The following PTBP1 variants were observed in gnomAD, a reference collection of about 807,000 sequenced individuals.
PTBP1 encodes polypyrimidine tract-binding protein 1.
In PTBP1, 8 loss-of-function variants were observed where a neutral mutation model predicts 59.8. The observed-to-expected ratio is 0.13, with a 90% CI of 0.08 to 0.24. PTBP1 has a LOEUF of 0.24. Among genes scored for constraint, PTBP1 ranks in the 10% least tolerant of loss-of-function variants. The pLI is 1.00. For synonymous variants in PTBP1, 490 were observed against 320.7 expected (o/e 1.53, Z -5.64); for missense variants, 686 against 767.0 (o/e 0.89, Z 1.25).
chr19:799,192 C>T (rs2034218655), intron 1 of PTBP1, among the ~76,000 whole-genome samples: 1 of 152,184 alleles, frequency 6.6e-6, no homozygotes, highest in Admixed American at 6.5e-5. Flanking sequence ...GGGAGGGGCG[C>T]CAAAGGACAA....
At chr19:799,567 T>G in intron 2 of PTBP1, 124 bp downstream of exon 2, 1 of 963,184 alleles carries the variant, frequency 1.0e-6, no homozygotes, top group Non-Finnish European at 1.7e-6. Flanking sequence ...GGCACTACCC[T>G]TGGTCTGGAA....
Position 808,457 on chromosome 19 carries a change from G to A in PTBP1, c.1246+5G>A. 6.3e-7 allele frequency: 1 copy of A among 1,596,248 alleles called. No homozygotes were observed. Among genetic ancestry groups the A allele is most frequent in the Non-Finnish European group, 8.5e-7 (1 of 1,172,886 alleles). ...ACGGCAACCAGGCCCAGCTGGGTAA[G>A]AGGCCGGGGCGGCCCCGGGGTGGAG... On this transcript the variant is annotated splice_donor_5th_base_variant and intron_variant, in intron 12 of 14. Transcript: ENST00000356948. The surrounding 1 kb of genome is among the most constrained non-coding windows in gnomAD (Gnocchi z 4.7).
At position 810,524 on chromosome 19, in the gene PTBP1, C is replaced by G. The variant is rs201760743; in HGVS notation, c.1464-19C>G. 1.2e-6 allele frequency: 2 copies of G among 1,611,362 alleles called. No homozygotes were observed. The highest frequency in any genetic ancestry group is 2.2e-5 in the South Asian group (2 of 90,816). Reference sequence around the variant, plus strand: ...CCACCCCCACGCGGCCCCAGGCTCACGCCTTTCTCCTCCCACAGGCCCTCA... The same window carrying G: ...CCACCCCCACGCGGCCCCAGGCTCAGGCCTTTCTCCTCCCACAGGCCCTCA... On this transcript the variant is annotated intron_variant, in intron 13 of 14. Transcript: ENST00000356948.
Position 806,564 on chromosome 19 carries a change from G to C in PTBP1, c.1119+8G>C. On this transcript the variant is annotated splice_region_variant and intron_variant, in intron 10 of 14. Transcript: ENST00000356948. Reference sequence around the variant, plus strand: ...AGCAACCTCAACCCAGAGGTACGTGGGCTTTTCCTCCGCGCCGCCGTTCCT... The same window carrying C: ...AGCAACCTCAACCCAGAGGTACGTGCGCTTTTCCTCCGCGCCGCCGTTCCT... The C allele has an allele frequency of 1.3e-6, 2 of 1,492,822 alleles. No individual in the cohort carries two copies. The highest frequency in any genetic ancestry group is 1.8e-6 in the Non-Finnish European group (2 of 1,121,524). The allele number at this position is 1,492,822 out of a possible 1,614,324, so 92.5% of individuals were successfully genotyped here.
intron 3 of PTBP1, 141 bp downstream of exon 3, chr19:803,777 C>T (rs181322589): frequency 7.0e-5 from 60 of 854,680 alleles, no homozygotes; most frequent in Middle Eastern, 2.5e-4. Context: ...TCCAAGTTCT[C>T]GCTGCAGAGA....
At position 808,571 on chromosome 19, in the gene PTBP1, G is replaced by A. The variant is rs903116313; in HGVS notation, c.1272G>A (p.Lys424=). ...CCATGAGCCACCTGAACGGGCACAA[G>A]CTGCACGGGAAGCCCATCCGCATCA... ...QLAMSHLNGH[K]LHGKPIRITL... is the part of the protein sequence containing the mutation. The change falls in exon 13 of 15, where the codon AAG becomes AAA. Residue 424 remains lysine, a synonymous_variant. Coordinates refer to ENST00000356948, the MANE Select transcript of PTBP1 (RefSeq NM_002819.5). The surrounding 1 kb of genome is among the most constrained non-coding windows in gnomAD (Gnocchi z 4.7). 6.2e-7 allele frequency: 1 copy of A among 1,600,480 alleles called. No individual in the cohort carries two copies. The highest frequency in any genetic ancestry group is 8.5e-7 in the Non-Finnish European group (1 of 1,175,384).
intron 2 of PTBP1, among the ~76,000 whole-genome samples, chr19:801,202 A>G (rs1315249956): frequency 6.6e-6 from 1 of 152,152 alleles, no homozygotes; most frequent in Non-Finnish European, 1.5e-5. Flanking sequence ...GTGCTTCAGG[A>G]CAGGTGCCCT....
At position 805,270 on chromosome 19, in the gene PTBP1, G is replaced by A. The variant is rs912274213; in HGVS notation, c.892+83G>A. ...TCCGGAGCCCCGGCGGCACGGGCCC[G>A]GCCCTGCACCAGGGTGATGCACCTG... On this transcript the variant is annotated intron_variant, in intron 8 of 14. Coordinates refer to ENST00000356948, the MANE Select transcript of PTBP1 (RefSeq NM_002819.5). The A allele has an allele frequency of 1.3e-5, 19 of 1,494,632 alleles. 1 individual carries two copies. Among genetic ancestry groups the A allele is most frequent in the Middle Eastern group, 4.6e-4 (2 of 4,306 alleles). 92.6% of individuals were successfully genotyped at this position (1,494,632 alleles called of 1,614,324 possible).
At chr19:810,327 G>T (rs1026548389) in intron 13 of PTBP1, among the ~76,000 whole-genome samples, 1 of 151,900 alleles carries the variant, frequency 6.6e-6, no homozygotes, top group East Asian at 1.9e-4. Context: ...GTGGAGGAGC[G>T]TGGTACTCTG....
chr19:806,159 G>A, intron 9 of PTBP1: 4 of 426,566 alleles, frequency 9.4e-6, no homozygotes, highest in East Asian at 4.0e-5. Context: ...TGCTGTGGGC[G>A]GGGCGCATGC....
chr19:803,171 C>A (rs973159284), intron 2 of PTBP1, among the ~76,000 whole-genome samples: 1 of 152,208 alleles, frequency 6.6e-6, no homozygotes, highest in African/African-American at 2.4e-5. Flanking sequence ...AGGGGGTCCT[C>A]TGCCCTGCTG....
At chr19:805,456 T>G (rs374849908) in intron 8 of PTBP1, 36 bp from the exon 9 acceptor site, 2 of 1,572,910 alleles carry the variant, frequency 1.3e-6, no homozygotes, top group Non-Finnish European at 1.8e-6. Flanking sequence ...CGGTGGAGGT[T>G]GTGGGTGCGA....
intron 9 of PTBP1, 188 bp downstream of exon 9, chr19:805,757 G>T (rs1414166236): frequency 9.8e-6 from 6 of 610,082 alleles, no homozygotes; most frequent in Non-Finnish European, 1.5e-5. Flanking sequence ...GGACAGGGCT[G>T]TGGAGGCCCA....
rs201688587 is a variant in PTBP1, at chr19:805,202, G to A, written c.892+15G>A. 9.0e-5 allele frequency: 145 copies of A among 1,612,052 alleles called. No individual in the cohort carries two copies. The African/African-American group carries it at 1.3e-3, about 15-fold the overall frequency. On this transcript the variant is annotated intron_variant, in intron 8 of 14. Transcript: ENST00000356948. ...CGCGGCCTTCGGTAAGAGGCTGCCC[G>A]ACGCGGCGCCAGTGTGCAGAGTGGT...
At chr19:800,387 AAG>A (rs1407498568) in intron 2 of PTBP1, among the ~76,000 whole-genome samples, 9 of 152,036 alleles carry the variant, frequency 5.9e-5, no homozygotes, top group Admixed American at 5.9e-4. Flanking sequence ...CATGTGAGGA[AAG>A]GGGGTCAGAA....
At chr19:801,733 C>T (rs1394678666) in intron 2 of PTBP1, among the ~76,000 whole-genome samples, 1 of 152,158 alleles carries the variant, frequency 6.6e-6, no homozygotes, top group Admixed American at 6.5e-5. Context: ...TCAGGTGCAC[C>T]CATCCTCCCT....
intron 2 of PTBP1, among the ~76,000 whole-genome samples, chr19:803,322 A>G (rs1256193644): frequency 6.6e-6 from 1 of 152,158 alleles, no homozygotes; most frequent in Non-Finnish European, 1.5e-5. Flanking sequence ...CTGGCTGAGT[A>G]CCCAGGGCTT....
rs755434398 is a variant in PTBP1, at chr19:804,602, C to T, written c.506C>T (p.Ala169Val). The T allele has an allele frequency of 2.4e-5, 38 of 1,611,798 alleles. No individual in the cohort carries two copies. The East Asian group carries it at 3.1e-4, about 13-fold the overall frequency. Residue 169 changes from alanine to valine, a missense_variant, in exon 6 of 15, where the codon GCG becomes GTG. By Grantham distance (64) the Ala-to-Val change is moderately conservative. Transcript: ENST00000356948. ...SGNLALAASA[A>V]AVDAGMAMAG... is the part of the protein sequence containing the mutation. ...AACCTGGCCTTGGCTGCCTCGGCGG[C>T]GGCCGTGGACGCAGGGATGGCGATG... is the stretch of plus-strand genomic sequence containing the variant.
chr19:798,063 G>C (rs928187389), intron 1 of PTBP1, among the ~76,000 whole-genome samples: 10 of 151,532 alleles, frequency 6.6e-5, no homozygotes, highest in Admixed American at 5.9e-4. Flanking sequence ...CCGGGGCCTC[G>C]CCGCGGGCCC....
Sources: allele counts gnomAD v4.1 joint callset (sites outside exome capture counted in the v4.1 genomes callset), GRCh38; gene constraint gnomAD v4.1.1; non-coding constraint Gnocchi (gnomAD v3.1); transcripts MANE v1.5; gene names NCBI Gene and HGNC (gene_info 2026-07-23, HGNC 2026-07-21).